Variants in ZYG11B observed in about 807,000 individuals in gnomAD.
The protein encoded by ZYG11B is zyg-11 family member B, cell cycle regulator, also known as protein zyg-11 homolog B.
A neutral mutation model predicts 82.4 loss-of-function variants in ZYG11B; 36 were observed. The observed-to-expected ratio is 0.44, with a 90% confidence interval of 0.33 to 0.58. ZYG11B has a LOEUF of 0.58. Among genes scored for constraint, ZYG11B ranks in the 20% least tolerant of loss-of-function variants. The probability of loss-of-function intolerance (pLI) is 0.02; values close to 1 mark genes in which losing one functional copy is unlikely to be tolerated. For missense variants in ZYG11B, 552 were observed against 895.6 expected (o/e 0.62, Z 4.90); for synonymous variants, 303 against 312.8 (o/e 0.97, Z 0.33).
chr1:52,821,615 G>A lies in ZYG11B; in HGVS notation c.2221G>A (p.Ala741Thr). ...ACCTCCCTGTAAAAAACAGCCCCAA[G>A]CCAGACTAAATTGATAGCCATAAGT... ...RPPPCKKQPQ[A>T]RLN Residue 741 changes from alanine (A) to threonine (T), a missense_variant, in exon 14 of 14, where the codon GCC becomes ACC. Coordinates refer to ENST00000294353, the MANE Select transcript of ZYG11B (RefSeq NM_024646.3). The A allele has an allele frequency of 6.2e-7, 1 of 1,611,218 alleles. No individual in the cohort carries two copies. The highest frequency in any genetic ancestry group is 8.5e-7 in the Non-Finnish European group (1 of 1,179,100).
At chr1:52,820,855 C>T (rs926526988) in intron 13 of ZYG11B, among the ~76,000 whole-genome samples, 1 of 150,948 alleles carries the variant, frequency 6.6e-6, no homozygotes, top group African/African-American at 2.4e-5. Flanking sequence ...AATTCTAGTA[C>T]TTTGGGAGGC....
Position 52,796,977 on chromosome 1 carries a change from AAT to A in ZYG11B, c.1485+202_1485+203del, listed in dbSNP as rs1253138945. On this transcript the variant is annotated intron_variant, in intron 8 of 13. Transcript: ENST00000294353. The stretch of plus-strand genomic sequence containing the variant: ...TTATATATTATATATAATATATATA[AAT>A]ATATATATTTTTTATATAAATATAT... Among the ~76,000 whole-genome samples, 447 of 63,068 alleles carry A rather than the reference AAT, an allele frequency of 7.1e-3. 3 individuals are homozygous for A. The highest frequency in any genetic ancestry group is 0.025 in the African/African-American group (297 of 12,026). 41.4% of individuals were successfully genotyped at this position (63,068 alleles called of 152,430 possible).
intron 1 of ZYG11B, among the ~76,000 whole-genome samples, chr1:52,746,071 C>T (rs550952654): frequency 2.6e-5 from 4 of 152,206 alleles, no homozygotes; most frequent in African/African-American, 7.2e-5. Flanking sequence ...AGCAATTCTC[C>T]TGCCTCAGCC....
chr1:52,813,574 A>G lies in ZYG11B; in HGVS notation c.1734A>G (p.Leu578=), dbSNP rs1310544956. 1 of 1,613,614 alleles carries G rather than the reference A, an allele frequency of 6.2e-7. No individual in the cohort carries two copies. The highest frequency in any genetic ancestry group is 1.3e-5 in the African/African-American group (1 of 74,898). Residue 578 remains leucine (L), a synonymous_variant, in exon 11 of 14, where the codon TTA becomes TTG. Transcript: ENST00000294353. ...IAEVQELHSE[L]MWKDFIDHIS... Reference sequence around the variant, plus strand: ...AAGTACAAGAATTACATTCTGAATTAATGTGGAAAGATTTTATAGACCACA... The same window carrying G: ...AAGTACAAGAATTACATTCTGAATTGATGTGGAAAGATTTTATAGACCACA...
rs1644304237 is a variant in ZYG11B at position 52,728,650 on chromosome 1, C to T, written c.30+1967C>T. Among the ~76,000 whole-genome samples, 6 of 152,302 alleles carry T rather than the reference C, an allele frequency of 3.9e-5. No individual in the cohort carries two copies. In the South Asian group the frequency reaches 1.2e-3, roughly 32 times the overall value. ...GAGCTATCCTACCTAAGACATTACACTGCTAGATTTTTGAAAGTGTGGGCC... is the reference window on the plus strand; with the variant it reads ...GAGCTATCCTACCTAAGACATTACATTGCTAGATTTTTGAAAGTGTGGGCC... On this transcript the variant is annotated intron_variant, in intron 1 of 13. Coordinates refer to ENST00000294353, the MANE Select transcript of ZYG11B (RefSeq NM_024646.3).
chr1:52,806,905 G>A (rs973739851), intron 10 of ZYG11B, among the ~76,000 whole-genome samples: 7 of 150,956 alleles, frequency 4.6e-5, no homozygotes, highest in Admixed American at 3.3e-4. Flanking sequence ...GTCTTGCTCT[G>A]TTGCCCAGGC....
At chr1:52,783,891 T>TACACGTGTGGGTGTATGTACAG (rs1644884613) in intron 4 of ZYG11B, among the ~76,000 whole-genome samples, 1 of 129,634 alleles carries the variant, frequency 7.7e-6, no homozygotes, top group African/African-American at 3.8e-5. Flanking sequence ...TATATGTACA[T>TACACGTGTGGGTGTATGTACAG]ACACGTGTGT....
intron 2 of ZYG11B, among the ~76,000 whole-genome samples, chr1:52,758,779 A>T (rs1031594865): frequency 1.3e-5 from 2 of 152,110 alleles, no homozygotes; most frequent in African/African-American, 4.8e-5. Flanking sequence ...AGTCTCTTTG[A>T]ATTTTTCCAA....
In ZYG11B at chr1:52,726,571, G is replaced by A. The variant is rs1175646328; in HGVS notation, c.-83G>A. 1.5e-6 allele frequency: 2 copies of A among 1,302,582 alleles called. No individual in the cohort carries two copies. Among genetic ancestry groups the A allele is most frequent in the Non-Finnish European group, 9.8e-7 (1 of 1,021,844 alleles). 80.7% of individuals were successfully genotyped at this position (1,302,582 alleles called of 1,614,324 possible). Reference sequence around the variant, plus strand: ...GCCAAGCCCGGAGCCGCCGCTCGCCGGAGCCTCCTGGAGCCTCCGCGCCGG... The same window carrying A: ...GCCAAGCCCGGAGCCGCCGCTCGCCAGAGCCTCCTGGAGCCTCCGCGCCGG... On this transcript the variant is annotated 5_prime_UTR_variant, in exon 1 of 14. Transcript: ENST00000294353.
chr1:52,794,552 G>A (rs986904305), intron 6 of ZYG11B, among the ~76,000 whole-genome samples: 3 of 152,220 alleles, frequency 2.0e-5, no homozygotes, highest in African/African-American at 2.4e-5. Flanking sequence ...TATAGTCCCC[G>A]CCCTCAAGGA....
intron 2 of ZYG11B, among the ~76,000 whole-genome samples, chr1:52,764,117 A>G (rs1302554661): frequency 3.2e-5 from 1 of 31,172 alleles, no homozygotes; most frequent in Non-Finnish European, 4.5e-5. Context: ...TTGATTCTTT[A>G]TTTTATTTTA....
intron 2 of ZYG11B, among the ~76,000 whole-genome samples, chr1:52,770,560 T>C (rs1157736040): frequency 1.3e-5 from 2 of 152,170 alleles, no homozygotes; most frequent in African/African-American, 4.8e-5. Context: ...TCCAAACTGA[T>C]GGAGGGTTTC....
chr1:52,801,407 C>T (rs889894606), intron 8 of ZYG11B, among the ~76,000 whole-genome samples: 5 of 152,026 alleles, frequency 3.3e-5, no homozygotes, highest in African/African-American at 1.2e-4. Context: ...TCAATTTTCT[C>T]TCCTAAAAAA....
intron 6 of ZYG11B, among the ~76,000 whole-genome samples, chr1:52,793,675 A>T (rs1236392838): frequency 6.6e-6 from 1 of 152,196 alleles, no homozygotes; most frequent in Non-Finnish European, 1.5e-5. Context: ...TCTACACTTT[A>T]CCACTAGCCT....
intron 4 of ZYG11B, among the ~76,000 whole-genome samples, chr1:52,782,142 T>C (rs1057480592): frequency 1.3e-5 from 2 of 150,774 alleles, no homozygotes; most frequent in Admixed American, 1.3e-4. Context: ...CATGGCTCAC[T>C]GCAGCCTCGA....
chr1:52,801,928 G>A lies in ZYG11B; in HGVS notation c.1595G>A (p.Cys532Tyr). 1 of 1,612,668 alleles carries A rather than the reference G, an allele frequency of 6.2e-7. No individual in the cohort carries two copies. The highest frequency in any genetic ancestry group is 8.5e-7 in the Non-Finnish European group (1 of 1,179,600). The stretch of plus-strand genomic sequence containing the variant: ...CTCACAGATGAATCTCCAACCACTT[G>A]TAGACACTTTATTGAAAACCAAGGG... ...WNLTDESPTT[C>Y]RHFIENQGLE... Residue 532 changes from cysteine to tyrosine, a missense_variant, in exon 9 of 14, where the codon TGT becomes TAT. Cys to Tyr is a radical substitution (Grantham distance 194). Around this residue, in one of 3 missense-constraint regions of ZYG11B, gnomAD observed 66 missense variants for 176.4 expected, o/e 0.37. Coordinates refer to ENST00000294353, the MANE Select transcript of ZYG11B (RefSeq NM_024646.3).
At position 52,790,069 on chromosome 1, in the gene ZYG11B, C is replaced by A; in HGVS notation, c.1334+2C>A. On this transcript the variant is annotated splice_donor_variant, in intron 6 of 13. Coordinates refer to ENST00000294353, the MANE Select transcript of ZYG11B (RefSeq NM_024646.3). LOFTEE classifies it high-confidence loss of function. ...CCTTCAAGATGTTCCATTTAACAGG[C>A]AAGTGATAGCTCTAGAACTTAAAGT... 1 of 1,589,374 alleles carries A rather than the reference C, an allele frequency of 6.3e-7. No homozygotes were observed. The highest frequency in any genetic ancestry group is 8.6e-7 in the Non-Finnish European group (1 of 1,165,166).
At chr1:52,741,314 A>AG (rs1644428672) in intron 1 of ZYG11B, among the ~76,000 whole-genome samples, 4 of 151,108 alleles carry the variant, frequency 2.6e-5, no homozygotes, top group African/African-American at 9.7e-5. Flanking sequence ...AAAAAAAAAA[A>AG]AAAAAGAAAA....
intron 7 of ZYG11B, 52 bp from the exon 8 acceptor site, chr1:52,796,682 A>G: frequency 1.4e-6 from 2 of 1,433,302 alleles, no homozygotes; most frequent in Non-Finnish European, 1.9e-6. Context: ...ATGATATTAA[A>G]CTCACATTAA....
Sources: allele counts gnomAD v4.1 joint callset (sites outside exome capture counted in the v4.1 genomes callset), GRCh38; gene constraint gnomAD v4.1.1; regional missense constraint gnomAD v4.1.1; transcripts MANE v1.5; gene names NCBI Gene and HGNC (gene_info 2026-07-23, HGNC 2026-07-21).